PALM2AKAP2: variants seen among roughly 807,000 people sequenced by gnomAD.
PALM2AKAP2 encodes PALM2-AKAP2 fusion protein.
Under a neutral mutation model 71.5 loss-of-function variants are expected in PALM2AKAP2, and 37 were observed. The observed-to-expected ratio is 0.52, with a 90% CI of 0.40 to 0.68. The LOEUF is 0.68. Among genes scored for constraint, PALM2AKAP2 ranks in the 30% least tolerant of loss-of-function variants. The pLI, the probability that PALM2AKAP2 is intolerant of heterozygous loss-of-function variation, is 0.00. For synonymous variants in PALM2AKAP2, 468 were observed against 478.8 expected, an observed-to-expected ratio of 0.98 and a Z score of 0.29; for missense variants, 1,224 against 1,191.8, an observed-to-expected ratio of 1.03 and a Z score of -0.40.
chr9:109,663,786 G>A (rs886587720), intron 1 of PALM2AKAP2, among the ~76,000 whole-genome samples: 1 of 152,134 alleles, frequency 6.6e-6, no homozygotes, highest in African/African-American at 2.4e-5. Flanking sequence ...TGACAGTGGG[G>A]TGTTATAGTC....
chr9:109,802,418 G>T (rs1453696897), intron 1 of PALM2AKAP2, among the ~76,000 whole-genome samples: 2 of 152,226 alleles, frequency 1.3e-5, no homozygotes, highest in Non-Finnish European at 2.9e-5. Context: ...GCAGTGGGTT[G>T]TCATACCCCA....
At chr9:109,833,161 C>T (rs1289238286) in intron 1 of PALM2AKAP2, among the ~76,000 whole-genome samples, 1 of 152,092 alleles carries the variant, frequency 6.6e-6, no homozygotes, top group African/African-American at 2.4e-5. Context: ...TTGAGACCAG[C>T]CTGACCAACA....
chr9:110,120,324 C>G (rs1396043117), intron 1 of PALM2AKAP2, among the ~76,000 whole-genome samples: 1 of 152,180 alleles, frequency 6.6e-6, no homozygotes. Flanking sequence ...AGTCTAAGAT[C>G]CTTGACAAGG....
intron 2 of PALM2AKAP2, among the ~76,000 whole-genome samples, chr9:110,152,021 G>A (rs1423834577): frequency 6.6e-6 from 1 of 152,216 alleles, no homozygotes; most frequent in Non-Finnish European, 1.5e-5. Flanking sequence ...CTGATCACTT[G>A]AGGTCAGGAG....
chr9:109,685,898 C>T (rs958693782), intron 1 of PALM2AKAP2, among the ~76,000 whole-genome samples: 1 of 151,956 alleles, frequency 6.6e-6, no homozygotes, highest in African/African-American at 2.4e-5. Context: ...AATTGGTGTC[C>T]ATCTTCTCAA....
chr9:109,712,305 A>G lies in PALM2AKAP2; in HGVS notation c.6-68183A>G, dbSNP rs1828254806. On this transcript the variant is annotated intron_variant, in intron 1 of 6. Transcript: ENST00000374531. The stretch of plus-strand genomic sequence containing the variant: ...GTCAGTGGTAATATCTACTGACAAA[A>G]GAGAAGATTAACCTCAGAGCTTTTT... Among the ~76,000 whole-genome samples, 6 of 152,236 alleles carry G rather than the reference A, an allele frequency of 3.9e-5. No homozygotes were observed. The South Asian group carries it at 1.2e-3, about 32-fold the overall frequency.
In PALM2AKAP2 at chr9:110,127,466, C is replaced by T. The variant is rs993225646; in HGVS notation, c.157-8661C>T. ...AACACGGGCCCCTAGTTCCACAGGCCGGAAGAAGCTCTGCTCGGGGGATGG... is the reference window on the plus strand; with the variant it reads ...AACACGGGCCCCTAGTTCCACAGGCTGGAAGAAGCTCTGCTCGGGGGATGG... On this transcript the variant is annotated intron_variant, in intron 1 of 3. Coordinates refer to ENST00000374525, the Ensembl canonical transcript of PALM2AKAP2. 7.9e-5 allele frequency among the ~76,000 whole-genome samples: 12 copies of T among 152,084 alleles called. No homozygotes were observed. In the East Asian group the frequency reaches 2.3e-3, roughly 29 times the overall value.
At chr9:109,943,417 G>C in intron 6 of PALM2AKAP2, 1 of 1,609,360 alleles carries the variant, frequency 6.2e-7, no homozygotes, top group Non-Finnish European at 8.5e-7. Flanking sequence ...ATGCTGTGTT[G>C]TCATGTGACC....
chr9:110,141,016 TTCTCTG>T (rs1836014995), intron 2 of PALM2AKAP2, among the ~76,000 whole-genome samples: 1 of 152,260 alleles, frequency 6.6e-6, no homozygotes, highest in Non-Finnish European at 1.5e-5. Context: ...ATTTTCAGGC[TTCTCTG>T]TCTCTATCTC....
At chr9:109,971,280 TC>T (rs35044369) in intron 6 of PALM2AKAP2, among the ~76,000 whole-genome samples, 1 of 114,228 alleles carries the variant, frequency 8.8e-6, no homozygotes, top group African/African-American at 3.1e-5. Context: ...CCACTCTTAG[TC>T]CCTTTTTTTT....
At chr9:109,784,529 G>A (rs1029676416) in intron 1 of PALM2AKAP2, among the ~76,000 whole-genome samples, 5 of 152,242 alleles carry the variant, frequency 3.3e-5, no homozygotes, top group African/African-American at 9.6e-5. Context: ...GCATGAAGAA[G>A]TTAAGTCAGT....
At chr9:110,165,077 T>TA (rs1836701520) in intron 3 of PALM2AKAP2, among the ~76,000 whole-genome samples, 1 of 151,952 alleles carries the variant, frequency 6.6e-6, no homozygotes, top group Non-Finnish European at 1.5e-5. Flanking sequence ...GTTCTTCATA[T>TA]AAAAAATGGG....
intron 1 of PALM2AKAP2, among the ~76,000 whole-genome samples, chr9:110,134,210 T>C (rs563309983): frequency 1.3e-5 from 2 of 151,944 alleles, no homozygotes; most frequent in African/African-American, 4.8e-5. Flanking sequence ...GCTCAGGAGT[T>C]CAAGGTTGCA....
At chr9:109,927,850 A>G (rs768825788) in intron 5 of PALM2AKAP2, among the ~76,000 whole-genome samples, 1 of 152,202 alleles carries the variant, frequency 6.6e-6, no homozygotes, top group African/African-American at 2.4e-5. Flanking sequence ...TATAAATTGC[A>G]TATAGTATAT....
At chr9:110,139,773 T>C (rs1274893125) in intron 2 of PALM2AKAP2, among the ~76,000 whole-genome samples, 3 of 152,210 alleles carry the variant, frequency 2.0e-5, no homozygotes, top group Admixed American at 6.5e-5. Context: ...CTGTTTTGAA[T>C]CATTTGAGAG....
At chr9:110,107,140 G>A (rs551965290) in intron 1 of PALM2AKAP2, among the ~76,000 whole-genome samples, 32 of 152,300 alleles carry the variant, frequency 2.1e-4, no homozygotes, top group African/African-American at 5.8e-4. Flanking sequence ...AAATATTCTA[G>A]TTGTTTGGTT....
chr9:109,955,208 C>T (rs1295312916), intron 6 of PALM2AKAP2, among the ~76,000 whole-genome samples: 1 of 152,062 alleles, frequency 6.6e-6, no homozygotes, highest in Admixed American at 6.6e-5. Flanking sequence ...ACTAAAGTCC[C>T]CTGAACTCTT....
At chr9:110,066,674 G>A (rs895982092) in intron 1 of PALM2AKAP2, among the ~76,000 whole-genome samples, 9 of 151,116 alleles carry the variant, frequency 6.0e-5, no homozygotes, top group African/African-American at 2.2e-4. Flanking sequence ...ACTCTAGCCT[G>A]GGGAACAGAC....
intron 1 of PALM2AKAP2, among the ~76,000 whole-genome samples, chr9:109,732,693 C>A (rs545588382): frequency 6.6e-6 from 1 of 152,160 alleles, no homozygotes; most frequent in South Asian, 2.1e-4. Context: ...AATAGAAAAA[C>A]CATATAATGC....
Sources: allele counts gnomAD v4.1 joint callset (sites outside exome capture counted in the v4.1 genomes callset), GRCh38; gene constraint gnomAD v4.1.1; transcripts MANE v1.5; gene names NCBI Gene and HGNC (gene_info 2026-07-23, HGNC 2026-07-21).